PPFIBP2: variants seen among roughly 807,000 people sequenced by gnomAD.
PPFIBP2 encodes liprin-beta-2.
A neutral mutation model predicts 118.3 loss-of-function variants in PPFIBP2; 118 were observed. The ratio of observed to expected loss-of-function variants is 1.00; its 90% CI spans 0.86 to 1.16. The LOEUF (loss-of-function observed/expected upper bound fraction) is 1.16, where lower values mean the gene tolerates loss of function less well. Ranked by LOEUF, PPFIBP2 falls within the 50% of genes most tolerant of loss-of-function variation. PPFIBP2 has a pLI of 0.00. For missense variants in PPFIBP2, 1,195 were observed against 1,073.1 expected (o/e 1.11, Z -1.59); for synonymous variants, 414 against 397.4 (o/e 1.04, Z -0.50).
chr11:7,640,844 T>A (rs1283588850), intron 15 of PPFIBP2, among the ~76,000 whole-genome samples: 1 of 152,144 alleles, frequency 6.6e-6, no homozygotes, highest in Non-Finnish European at 1.5e-5. Flanking sequence ...ACATGAAACC[T>A]CTTCTCAGTG....
At chr11:7,659,457 A>G (rs1397350292), downstream of PPFIBP2, among the ~76,000 whole-genome samples, 3 of 145,214 alleles carry the variant, frequency 2.1e-5, no homozygotes, top group African/African-American at 7.7e-5. Context: ...ATAGTTGTAG[A>G]TATGTGGCGT....
intron 4 of PPFIBP2, among the ~76,000 whole-genome samples, chr11:7,596,316 A>G (rs192926504): frequency 1.3e-5 from 2 of 151,968 alleles, no homozygotes; most frequent in Admixed American, 1.3e-4. Flanking sequence ...GTTGGGCCAC[A>G]GGGATTAATA....
chr11:7,574,554 T>G (rs1856051090), intron 3 of PPFIBP2, among the ~76,000 whole-genome samples: 1 of 152,258 alleles, frequency 6.6e-6, no homozygotes, highest in Admixed American at 6.5e-5. Context: ...TTCTATATAT[T>G]TGACGAACAT....
intron 7 of PPFIBP2, among the ~76,000 whole-genome samples, chr11:7,625,075 C>G (rs181103921): frequency 1.2e-3 from 183 of 152,328 alleles, no homozygotes; most frequent in Non-Finnish European, 2.0e-3. Context: ...AGTGCAGCTG[C>G]CTGTTTGTGT....
chr11:7,523,172 G>C (rs1849914215), intron 1 of PPFIBP2, among the ~76,000 whole-genome samples: 1 of 152,154 alleles, frequency 6.6e-6, no homozygotes, highest in African/African-American at 2.4e-5. Context: ...GCTGTCGGGA[G>C]ACTCAGTGGC....
chr11:7,656,806 C>T (rs1189103997), downstream of PPFIBP2: 18 of 1,289,644 alleles, frequency 1.4e-5, no homozygotes, highest in East Asian at 5.5e-5. Flanking sequence ...TGACTTTCTT[C>T]GTGGCTGAGA....
intron 1 of PPFIBP2, among the ~76,000 whole-genome samples, chr11:7,523,504 C>T (rs1423083334): frequency 6.6e-6 from 1 of 152,118 alleles, no homozygotes; most frequent in Non-Finnish European, 1.5e-5. Context: ...TCATCTTGTT[C>T]TGAAGGTTTT....
At chr11:7,598,976 A>G (rs1860911275) in intron 5 of PPFIBP2, among the ~76,000 whole-genome samples, 1 of 146,568 alleles carries the variant, frequency 6.8e-6, no homozygotes, top group South Asian at 2.1e-4. Context: ...TTTGTTTGTT[A>G]TCTTTTCATT....
At chr11:7,643,312 A>C (rs1446901562) in intron 17 of PPFIBP2, among the ~76,000 whole-genome samples, 1 of 152,160 alleles carries the variant, frequency 6.6e-6, no homozygotes, top group African/African-American at 2.4e-5. Context: ...CTAGTTCTTG[A>C]AGGATTGACT....
rs747413656 is a variant in PPFIBP2 at position 7,630,984 on chromosome 11, T to G, written c.1024T>G (p.Trp342Gly). 28 of 1,613,982 alleles carry G rather than the reference T, an allele frequency of 1.7e-5. No individual in the cohort carries two copies. The South Asian group carries it at 3.1e-4, about 18-fold the overall frequency. The change falls in exon 11 of 24, where the codon TGG becomes GGG. Residue 342 changes from tryptophan (W) to glycine (G), a missense_variant. Physicochemically the swap from Trp to Gly is radical, Grantham distance 184. Coordinates refer to ENST00000299492, the MANE Select transcript of PPFIBP2 (RefSeq NM_003621.5). Reference protein sequence around the residue: ...EEEPEGGFSKWNATNKDPEEL... With the variant: ...EEEPEGGFSKGNATNKDPEEL... ...AGAACCGGAGGGAGGTTTCAGCAAG[T>G]GGAACGCTACAAATAAGGACCCTGA...
At chr11:7,665,817 C>T in the PPFIBP2 span, 9 of 1,526,130 alleles carry the variant, frequency 5.9e-6, no homozygotes, top group Admixed American at 7.9e-5. Flanking sequence ...GAGAACACAA[C>T]GAGGTATACC....
chr11:7,540,461 G>A (rs762952348), intron 1 of PPFIBP2, among the ~76,000 whole-genome samples: 2 of 152,234 alleles, frequency 1.3e-5, no homozygotes, highest in South Asian at 2.1e-4. Flanking sequence ...GACCATGGGG[G>A]CATCACCAAG....
At chr11:7,603,079 A>G (rs1005545418) in intron 5 of PPFIBP2, among the ~76,000 whole-genome samples, 2 of 152,224 alleles carry the variant, frequency 1.3e-5, no homozygotes, top group African/African-American at 2.4e-5. Context: ...AGAGCCTTTA[A>G]GCAGGTATTT....
Position 7,517,838 on chromosome 11 carries a change from A to G in PPFIBP2, c.-37+3717A>G, listed in dbSNP as rs1253956096. On this transcript the variant is annotated intron_variant, in intron 1 of 23. Coordinates refer to ENST00000299492, the MANE Select transcript of PPFIBP2 (RefSeq NM_003621.5). ...CCATCAGTCTTCAGCGGCAAGGCAA[A>G]TGAGATCCGAGTAGGAGGTTTTGGC... Among the ~76,000 whole-genome samples the G allele has an allele frequency of 2.0e-5, 3 of 152,186 alleles. No individual in the cohort carries two copies. The East Asian group carries it at 5.8e-4, about 29-fold the overall frequency.
chr11:7,630,354 C>T (rs1233395926), intron 10 of PPFIBP2, among the ~76,000 whole-genome samples: 1 of 152,192 alleles, frequency 6.6e-6, no homozygotes, highest in Non-Finnish European at 1.5e-5. Flanking sequence ...CTCTGTCACC[C>T]AGGTTGGAGT....
At chr11:7,663,389 C>A in the PPFIBP2 span, among the ~76,000 whole-genome samples, 4 of 151,608 alleles carry the variant, frequency 2.6e-5, no homozygotes, top group African/African-American at 4.9e-5. Context: ...AGCTGCAGGT[C>A]TGTTGGAATA....
At chr11:7,555,449 G>T (rs909829763) in intron 2 of PPFIBP2, among the ~76,000 whole-genome samples, 5 of 152,230 alleles carry the variant, frequency 3.3e-5, no homozygotes, top group African/African-American at 1.2e-4. Flanking sequence ...ACGTTGGCTT[G>T]TGAATGAAGT....
intron 5 of PPFIBP2, among the ~76,000 whole-genome samples, chr11:7,609,652 C>T (rs774429365): frequency 3.3e-5 from 5 of 152,172 alleles, no homozygotes; most frequent in Non-Finnish European, 7.4e-5. Flanking sequence ...TAATAACCTC[C>T]CTGGTCTGTC....
chr11:7,583,556 A>G (rs1383617742), intron 3 of PPFIBP2, among the ~76,000 whole-genome samples: 1 of 152,324 alleles, frequency 6.6e-6, no homozygotes, highest in Non-Finnish European at 1.5e-5. Context: ...TCATTACAGG[A>G]TACCAGCACA....
Sources: gnomAD v4.1 joint callset for allele counts (sites outside exome capture counted in the v4.1 genomes callset) on GRCh38, gnomAD v4.1.1 for gene constraint, MANE v1.5 for transcripts, NCBI Gene and HGNC (gene_info 2026-07-23, HGNC 2026-07-21) for gene names.